ZFAND3: variants seen among roughly 807,000 people sequenced by gnomAD.
The protein encoded by ZFAND3 is AN1-type zinc finger protein 3.
Under a neutral mutation model 29.6 loss-of-function variants are expected in ZFAND3, and 10 were observed. That is an observed-to-expected ratio of 0.34 (90% CI 0.21 to 0.57). ZFAND3 has a LOEUF of 0.57. Ranked by LOEUF, ZFAND3 falls within the 20% of genes least tolerant of loss-of-function variation. The pLI, the probability that ZFAND3 is intolerant of heterozygous loss-of-function variation, is 0.86. For missense variants in ZFAND3, 230 were observed against 304.5 expected (o/e 0.76, Z 1.82); for synonymous variants, 128 against 112.6 (o/e 1.14, Z -0.87).
intron 2 of ZFAND3, among the ~76,000 whole-genome samples, chr6:37,953,732 G>A (rs1204094680): frequency 1.3e-5 from 2 of 151,902 alleles, no homozygotes; most frequent in African/African-American, 4.8e-5. Context: ...GATTACAGTC[G>A]TGAGTCATCA....
At chr6:38,080,792 T>C (rs1440517858) in intron 3 of ZFAND3, among the ~76,000 whole-genome samples, 2 of 152,180 alleles carry the variant, frequency 1.3e-5, no homozygotes, top group Non-Finnish European at 2.9e-5. Context: ...TTGAGGATGT[T>C]GAGGCTGTGT....
At chr6:37,901,320 AC>A (rs1413036540) in intron 1 of ZFAND3, among the ~76,000 whole-genome samples, 1 of 152,054 alleles carries the variant, frequency 6.6e-6, no homozygotes, top group Non-Finnish European at 1.5e-5. Flanking sequence ...ATCCAGAAAA[AC>A]CTTTTACTGT....
At chr6:37,908,943 A>G (rs1765467077) in intron 1 of ZFAND3, among the ~76,000 whole-genome samples, 1 of 152,160 alleles carries the variant, frequency 6.6e-6, no homozygotes, top group Non-Finnish European at 1.5e-5. Flanking sequence ...GAATGCTTTA[A>G]AAAATAATTT....
chr6:37,959,862 C>G (rs1287519667), intron 2 of ZFAND3, among the ~76,000 whole-genome samples: 5 of 152,238 alleles, frequency 3.3e-5, no homozygotes, highest in African/African-American at 9.6e-5. Context: ...CTAACCTGGG[C>G]CCATGAAACT....
chr6:38,016,402 G>A (rs1763253361), intron 2 of ZFAND3, among the ~76,000 whole-genome samples: 1 of 152,102 alleles, frequency 6.6e-6, no homozygotes, highest in South Asian at 2.1e-4. Context: ...CTTCTTTTCT[G>A]TATGACTGGC....
intron 1 of ZFAND3, among the ~76,000 whole-genome samples, chr6:37,872,861 A>G (rs913993763): frequency 6.6e-6 from 1 of 152,232 alleles, no homozygotes; most frequent in Non-Finnish European, 1.5e-5. Context: ...TTTGGTATAC[A>G]TGTGTATGCA....
chr6:38,083,469 T>C (rs941436528), intron 4 of ZFAND3, among the ~76,000 whole-genome samples: 8 of 152,214 alleles, frequency 5.3e-5, no homozygotes, highest in Non-Finnish European at 1.0e-4. Context: ...TTTCTTTTTT[T>C]TACTGAGGTA....
chr6:38,042,865 A>T (rs73419907), intron 2 of ZFAND3, among the ~76,000 whole-genome samples: 10,356 of 152,150 alleles, frequency 0.068, 425 homozygotes, highest in Non-Finnish European at 0.087. Context: ...ATTAGCGTTC[A>T]TGGTGGGAGA....
intron 1 of ZFAND3, among the ~76,000 whole-genome samples, chr6:37,895,348 C>G (rs1388177708): frequency 6.7e-6 from 1 of 149,896 alleles, no homozygotes; most frequent in African/African-American, 2.4e-5. Context: ...CTCTTTTTTT[C>G]TTTGAGACGG....
At chr6:38,102,051 C>T (rs1765104563) in intron 4 of ZFAND3, among the ~76,000 whole-genome samples, 1 of 152,154 alleles carries the variant, frequency 6.6e-6, no homozygotes. Context: ...TCATTAGCAA[C>T]TTGTCCTGTT....
At chr6:38,069,634 T>C (rs1003154211) in intron 3 of ZFAND3, among the ~76,000 whole-genome samples, 1 of 152,108 alleles carries the variant, frequency 6.6e-6, no homozygotes, top group African/African-American at 2.4e-5. Context: ...AGTATAATAA[T>C]GTACAGTTAT....
intron 2 of ZFAND3, among the ~76,000 whole-genome samples, chr6:37,993,756 T>C (rs1762801658): frequency 6.6e-6 from 1 of 152,222 alleles, no homozygotes; most frequent in African/African-American, 2.4e-5. Flanking sequence ...AAAAAAAGTT[T>C]TCTGAAATAT....
chr6:38,061,572 T>C (rs992007810), intron 2 of ZFAND3, 21 bp from the exon 3 acceptor site: 10 of 1,613,636 alleles, frequency 6.2e-6, no homozygotes, highest in Non-Finnish European at 8.5e-6. Context: ...TTAATTAAGC[T>C]CGTTTTCTAT....
chr6:37,893,873 T>G (rs1765149309), intron 1 of ZFAND3, among the ~76,000 whole-genome samples: 1 of 151,998 alleles, frequency 6.6e-6, no homozygotes, highest in African/African-American at 2.4e-5. Flanking sequence ...TGTTTCTATC[T>G]CTTCAACTTT....
At chr6:38,003,884 T>C in intron 2 of ZFAND3, 1 of 402,682 alleles carries the variant, frequency 2.5e-6, no homozygotes, top group South Asian at 1.8e-5. Context: ...TGCTTATTAC[T>C]GTGAGTTTGC....
intron 2 of ZFAND3, among the ~76,000 whole-genome samples, chr6:38,052,662 A>G (rs1414084713): frequency 1.3e-5 from 2 of 152,198 alleles, no homozygotes; most frequent in African/African-American, 4.8e-5. Context: ...TAGTGCTTAT[A>G]TTAAGAGTTC....
At chr6:37,897,218 G>T (rs760029170) in intron 1 of ZFAND3, among the ~76,000 whole-genome samples, 1 of 152,076 alleles carries the variant, frequency 6.6e-6, no homozygotes. Context: ...TTGTCTGTAC[G>T]TAACTATTAT....
intron 1 of ZFAND3, among the ~76,000 whole-genome samples, chr6:37,854,773 CCCCT>C (rs1301559417): frequency 1.4e-5 from 2 of 141,936 alleles, no homozygotes; most frequent in African/African-American, 2.6e-5. Flanking sequence ...TGCCCCCCCC[CCCCT>C]TTTTTTTTAA....
At chr6:38,013,352 C>G (rs1177469300) in intron 2 of ZFAND3, among the ~76,000 whole-genome samples, 2 of 152,208 alleles carry the variant, frequency 1.3e-5, no homozygotes, top group Non-Finnish European at 2.9e-5. Context: ...GAATATCTCA[C>G]CTTCTTTCGG....
Sources: gnomAD v4.1 joint callset for allele counts (sites outside exome capture counted in the v4.1 genomes callset) on GRCh38, gnomAD v4.1.1 for gene constraint, MANE v1.5 for transcripts, NCBI Gene and HGNC (gene_info 2026-07-23, HGNC 2026-07-21) for gene names.